The following CDH13 variants were observed in gnomAD, a reference collection of about 807,000 sequenced individuals.
The protein encoded by CDH13 is cadherin 13, also known as cadherin-13.
Under a neutral mutation model 63.8 loss-of-function variants are expected in CDH13, and 24 were observed. The ratio of observed to expected loss-of-function variants is 0.38; its 90% confidence interval spans 0.27 to 0.53. The LOEUF is 0.53. Among genes scored for constraint, CDH13 ranks in the 20% least tolerant of loss-of-function variants. The probability of loss-of-function intolerance (pLI) is 0.85; values close to 1 mark genes in which losing one functional copy is unlikely to be tolerated. For synonymous variants in CDH13, 503 were observed against 355.3 expected, an observed-to-expected ratio of 1.42 and a Z score of -4.67; for missense variants, 1,049 against 903.1, an observed-to-expected ratio of 1.16 and a Z score of -2.07.
chr16:83,078,582 C>A (rs1311646321), intron 3 of CDH13, among the ~76,000 whole-genome samples: 1 of 152,216 alleles, frequency 6.6e-6, no homozygotes, highest in African/African-American at 2.4e-5. Flanking sequence ...AGGTTCCTAA[C>A]AGGCCACAGA....
intron 10 of CDH13, among the ~76,000 whole-genome samples, chr16:83,733,412 T>C (rs956291328): frequency 6.6e-6 from 1 of 152,286 alleles, no homozygotes; most frequent in African/African-American, 2.4e-5. Flanking sequence ...GCAGTCTCTA[T>C]AGACGGTTGT....
intron 13 of CDH13, among the ~76,000 whole-genome samples, chr16:83,787,641 G>T (rs2151016608): frequency 6.6e-6 from 1 of 152,240 alleles, no homozygotes; most frequent in Non-Finnish European, 1.5e-5. Flanking sequence ...AGAAGCCACT[G>T]CTCTACAAGC....
At chr16:83,064,307 C>T (rs1379218619) in intron 3 of CDH13, among the ~76,000 whole-genome samples, 2 of 151,922 alleles carry the variant, frequency 1.3e-5, no homozygotes, top group Non-Finnish European at 1.5e-5. Context: ...AGGTGGAGGT[C>T]GCAGTGAGCT....
At chr16:82,735,054 G>A (rs2033601780) in intron 1 of CDH13, among the ~76,000 whole-genome samples, 1 of 152,198 alleles carries the variant, frequency 6.6e-6, no homozygotes, top group South Asian at 2.1e-4. Flanking sequence ...AGGTGGCCAA[G>A]AGTTGGCAGA....
chr16:83,670,248 C>T (rs974272767), intron 8 of CDH13, among the ~76,000 whole-genome samples: 1 of 152,202 alleles, frequency 6.6e-6, no homozygotes, highest in Non-Finnish European at 1.5e-5. Context: ...CAAGTCTTAA[C>T]GCTTGACTCA....
intron 7 of CDH13, among the ~76,000 whole-genome samples, chr16:83,599,194 G>A (rs946573120): frequency 3.3e-5 from 5 of 152,252 alleles, no homozygotes; most frequent in African/African-American, 1.2e-4. Context: ...GCTTGAGGCA[G>A]TCCTGTAGCA....
chr16:82,960,628 C>G (rs1028800253), intron 2 of CDH13, among the ~76,000 whole-genome samples: 1 of 152,150 alleles, frequency 6.6e-6, no homozygotes, highest in African/African-American at 2.4e-5. Flanking sequence ...ATAGCACCTT[C>G]AGTTTCCATT....
intron 4 of CDH13, among the ~76,000 whole-genome samples, chr16:83,198,414 A>G (rs1369526191): frequency 6.6e-6 from 1 of 152,130 alleles, no homozygotes; most frequent in East Asian, 1.9e-4. Context: ...GACACCAACA[A>G]TTTGCAGCTG....
intron 11 of CDH13, among the ~76,000 whole-genome samples, chr16:83,779,509 T>G (rs1915370118): frequency 6.6e-6 from 1 of 151,660 alleles, no homozygotes; most frequent in African/African-American, 2.4e-5. Flanking sequence ...TTGTTAGTCT[T>G]GTTTGCAACT....
At chr16:83,404,444 T>C (rs1015189290) in intron 6 of CDH13, among the ~76,000 whole-genome samples, 12 of 152,222 alleles carry the variant, frequency 7.9e-5, no homozygotes, top group South Asian at 2.1e-4. Flanking sequence ...TCAGTAAGGG[T>C]AAGCAGCTTC....
At chr16:82,965,508 G>C (rs1907672205) in intron 2 of CDH13, among the ~76,000 whole-genome samples, 1 of 152,116 alleles carries the variant, frequency 6.6e-6, no homozygotes, top group Admixed American at 6.5e-5. Flanking sequence ...ATTGAATACT[G>C]ATAAGTGAAT....
chr16:83,004,759 C>T (rs1350636345), intron 2 of CDH13, among the ~76,000 whole-genome samples: 1 of 152,184 alleles, frequency 6.6e-6, no homozygotes, highest in Non-Finnish European at 1.5e-5. Context: ...TCCCAAAGGG[C>T]TGGGATTACA....
Position 83,795,152 on chromosome 16 carries a change from TC to T in CDH13, c.*124del. 1.3e-6 allele frequency: 1 copy of T among 746,296 alleles called. No homozygotes were observed. Among genetic ancestry groups the T allele is most frequent in the Non-Finnish European group, 2.2e-6 (1 of 455,852 alleles). The allele number at this position is 746,296 out of a possible 1,614,324, so 46.2% of individuals were successfully genotyped here. ...AACTTCACAACTAGGCCTCAATTGT[TC>T]CGGTTTTTTATTTTCTTTACAATTT... is the stretch of plus-strand genomic sequence containing the variant. On this transcript the variant is annotated 3_prime_UTR_variant, in exon 14 of 14. Transcript: ENST00000567109.
At chr16:83,713,355 G>A (rs977234632) in intron 10 of CDH13, among the ~76,000 whole-genome samples, 1 of 152,124 alleles carries the variant, frequency 6.6e-6, no homozygotes, top group African/African-American at 2.4e-5. Context: ...TTCCAATGAG[G>A]TTCTTTGAGT....
chr16:83,148,288 T>A (rs2036836577), intron 4 of CDH13, among the ~76,000 whole-genome samples: 1 of 152,168 alleles, frequency 6.6e-6, no homozygotes, highest in South Asian at 2.1e-4. Flanking sequence ...GCACAGAGGC[T>A]GAGACAACAT....
At chr16:83,617,452 A>G (rs1909382429) in intron 8 of CDH13, among the ~76,000 whole-genome samples, 2 of 151,900 alleles carry the variant, frequency 1.3e-5, no homozygotes, top group Non-Finnish European at 2.9e-5. Context: ...ATATCCTAAT[A>G]AGCACATTTT....
chr16:83,298,634 A>G (rs1426421528), intron 5 of CDH13, among the ~76,000 whole-genome samples: 1 of 152,224 alleles, frequency 6.6e-6, no homozygotes, highest in Non-Finnish European at 1.5e-5. Flanking sequence ...GTATAGGCTA[A>G]TTTGATTTCC....
intron 5 of CDH13, among the ~76,000 whole-genome samples, chr16:83,235,282 T>C (rs1485045051): frequency 6.6e-6 from 1 of 152,286 alleles, no homozygotes; most frequent in African/African-American, 2.4e-5. Context: ...GGTCAGCCCC[T>C]GCCCCAGAGA....
At chr16:83,458,329 T>C (rs2073079140) in intron 6 of CDH13, among the ~76,000 whole-genome samples, 1 of 152,208 alleles carries the variant, frequency 6.6e-6, no homozygotes, top group African/African-American at 2.4e-5. Context: ...TAGCAAAATC[T>C]CAAGCACAGA....
Sources: gnomAD v4.1 joint callset for allele counts (sites outside exome capture counted in the v4.1 genomes callset) on GRCh38, gnomAD v4.1.1 for gene constraint, MANE v1.5 for transcripts, NCBI Gene and HGNC (gene_info 2026-07-23, HGNC 2026-07-21) for gene names.